Variants in ZNF133 observed in about 807,000 individuals in gnomAD.
The protein encoded by ZNF133 is zinc finger protein 133 (clone pHZ-13).
In ZNF133, 26 loss-of-function variants were observed where a neutral mutation model predicts 54.9. The ratio of observed to expected loss-of-function variants is 0.47; its 90% confidence interval spans 0.35 to 0.66. ZNF133 has a LOEUF of 0.66. ZNF133 is among the 30% of genes least tolerant of loss of function. ZNF133 has a pLI of 0.01. For synonymous variants in ZNF133, 298 were observed against 320.3 expected, an observed-to-expected ratio of 0.93 and a Z score of 0.74; for missense variants, 653 against 820.8, an observed-to-expected ratio of 0.80 and a Z score of 2.50.
intron 1 of ZNF133, chr20:18,295,003 G>A (rs2041941352): frequency 6.6e-6 from 1 of 152,144 alleles, no homozygotes; most frequent in Admixed American, 6.5e-5. Context: ...TTTCCCTTTA[G>A]TTTTCAATGC....
intron 3 of ZNF133, among the ~76,000 whole-genome samples, chr20:18,303,594 A>T (rs1417843214): frequency 1.3e-5 from 2 of 152,162 alleles, no homozygotes; most frequent in African/African-American, 4.8e-5. Flanking sequence ...ATAAAAACAG[A>T]CTTACAGACT....
At chr20:18,296,507 C>T (rs2042265070) in intron 1 of ZNF133, among the ~76,000 whole-genome samples, 1 of 152,176 alleles carries the variant, frequency 6.6e-6, no homozygotes, top group South Asian at 2.1e-4. Flanking sequence ...TTCTAGGTAC[C>T]TCATATAAAT....
At chr20:18,302,553 T>C (rs1036826967) in intron 3 of ZNF133, among the ~76,000 whole-genome samples, 1 of 152,170 alleles carries the variant, frequency 6.6e-6, no homozygotes, top group South Asian at 2.1e-4. Flanking sequence ...GAAACCACTC[T>C]ATAATAAGGC....
intron 1 of ZNF133, among the ~76,000 whole-genome samples, chr20:18,291,483 C>A (rs533131611): frequency 3.0e-4 from 45 of 152,122 alleles, no homozygotes; most frequent in Non-Finnish European, 5.3e-4. Flanking sequence ...TAGCCTGCTC[C>A]TCCTCTGTCT....
rs1600628452 is a variant in ZNF133 at position 18,316,510 on chromosome 20, G to A, written c.1659G>A (p.Arg553=). 1 of 1,614,206 alleles carries A rather than the reference G, an allele frequency of 6.2e-7. No homozygotes were observed. The highest frequency in any genetic ancestry group is 8.5e-7 in the Non-Finnish European group (1 of 1,180,038). The change falls in exon 7 of 7, where the codon AGG becomes AGA. Residue 553 remains arginine, a synonymous_variant. Transcript: ENST00000425686. Reference sequence around the variant, plus strand: ...CGAGGGAGAAGCCCTACATGTGCAGGCAGTGTGGACTGGGCTTTGGCAATA... The same window carrying A: ...CGAGGGAGAAGCCCTACATGTGCAGACAGTGTGGACTGGGCTTTGGCAATA... ...KHSREKPYMC[R]QCGLGFGNKS...
At chr20:18,312,776 G>T (rs1485106965) in intron 6 of ZNF133, 1 of 152,170 alleles carries the variant, frequency 6.6e-6, no homozygotes, top group African/African-American at 2.4e-5. Flanking sequence ...ATGCAGTGGC[G>T]CAATCTCGGC....
chr20:18,315,540 T>C lies in ZNF133; in HGVS notation c.689T>C (p.Leu230Pro), dbSNP rs765384821. The C allele has an allele frequency of 6.2e-7, 1 of 1,614,134 alleles. No individual in the cohort carries two copies. Among genetic ancestry groups the C allele is most frequent in the Non-Finnish European group, 8.5e-7 (1 of 1,180,034 alleles). Reference sequence around the variant, plus strand: ...AGCTTCAGCAAGATGACAAACCTGCTCAGTCACCAGCGGATACACTCAGGG... The same window carrying C: ...AGCTTCAGCAAGATGACAAACCTGCCCAGTCACCAGCGGATACACTCAGGG... ...GLSFSKMTNL[L>P]SHQRIHSGEK... is the part of the protein sequence containing the mutation. The change falls in exon 7 of 7, where the codon CTC becomes CCC. Residue 230 changes from leucine to proline, a missense_variant. By Grantham distance (98) the Leu-to-Pro change is moderately conservative. This residue lies in a region of ZNF133 where 292 missense variants were observed against 431.6 expected (regional missense o/e 0.68). Transcript: ENST00000425686.
At position 18,316,911 on chromosome 20, in the gene ZNF133, T is replaced by G. The variant is rs2047641953; in HGVS notation, c.*95T>G. 3 of 1,417,786 alleles carry G rather than the reference T, an allele frequency of 2.1e-6. No individual in the cohort carries two copies. Among genetic ancestry groups the G allele is most frequent in the Non-Finnish European group, 2.8e-6 (3 of 1,063,798 alleles). 87.8% of individuals were successfully genotyped at this position (1,417,786 alleles called of 1,614,324 possible). On this transcript the variant is annotated 3_prime_UTR_variant, in exon 7 of 7. Coordinates refer to ENST00000425686, the MANE Select transcript of ZNF133 (RefSeq NM_001352452.2). Reference sequence around the variant, plus strand: ...ATTCTGTAAGTGGTCAAAGGACATTTGACTGTTTACTTTCTCCACACTAAG... The same window carrying G: ...ATTCTGTAAGTGGTCAAAGGACATTGGACTGTTTACTTTCTCCACACTAAG...
At chr20:18,302,857 C>G (rs761657130) in intron 3 of ZNF133, among the ~76,000 whole-genome samples, 2 of 152,016 alleles carry the variant, frequency 1.3e-5, no homozygotes, top group Non-Finnish European at 2.9e-5. Flanking sequence ...AGTTGCATAT[C>G]TATACACTTA....
intron 6 of ZNF133, among the ~76,000 whole-genome samples, chr20:18,311,590 A>G (rs965537726): frequency 6.6e-6 from 1 of 152,236 alleles, no homozygotes; most frequent in Non-Finnish European, 1.5e-5. Context: ...TTCAGTCTCA[A>G]ATAATTAACA....
intron 3 of ZNF133, among the ~76,000 whole-genome samples, chr20:18,303,363 AAAT>A (rs1337450310): frequency 6.6e-6 from 1 of 152,134 alleles, no homozygotes; most frequent in Non-Finnish European, 1.5e-5. Flanking sequence ...CTTAATGTTA[AAAT>A]AATAATACTA....
chr20:18,294,291 T>C (rs1293148298), intron 1 of ZNF133, among the ~76,000 whole-genome samples: 2 of 152,034 alleles, frequency 1.3e-5, no homozygotes, highest in African/African-American at 4.8e-5. Context: ...AAACCAAAAC[T>C]GAGGGATACC....
At chr20:18,299,446 T>C (rs530177208) in intron 3 of ZNF133, among the ~76,000 whole-genome samples, 2 of 152,282 alleles carry the variant, frequency 1.3e-5, no homozygotes, top group East Asian at 3.9e-4. Flanking sequence ...AAGGGAACTA[T>C]GGGATACTAT....
rs775729180 is a variant in ZNF133, at chr20:18,315,683, G to A, written c.832G>A (p.Gly278Ser). 6.2e-7 allele frequency: 1 copy of A among 1,613,874 alleles called. No homozygotes were observed. The highest frequency in any genetic ancestry group is 1.7e-5 in the Admixed American group (1 of 60,010). ...AATTGTGTGCAGGGAGTGTGGACGA[G>A]GCTTTAACCGGAAGTCAACGCTAAT... Reference protein sequence around the residue: ...KPIVCRECGRGFNRKSTLIIH... With the variant: ...KPIVCRECGRSFNRKSTLIIH... The change falls in exon 7 of 7, where the codon GGC (glycine) becomes AGC (serine). Residue 278 changes from glycine (G) to serine (S), a missense_variant. By Grantham distance (56) the Gly-to-Ser change is moderately conservative. This residue lies in a region of ZNF133 where 292 missense variants were observed against 431.6 expected (regional missense o/e 0.68). Transcript: ENST00000425686.
chr20:18,306,415 A>C (rs1247269820), intron 6 of ZNF133, 22 bp downstream of exon 6: 4 of 1,606,884 alleles, frequency 2.5e-6, no homozygotes, highest in Non-Finnish European at 3.4e-6. Flanking sequence ...AACACTGGAC[A>C]AATGAGACAT....
At chr20:18,307,457 T>C (rs1388683147) in intron 6 of ZNF133, among the ~76,000 whole-genome samples, 1 of 152,248 alleles carries the variant, frequency 6.6e-6, no homozygotes, top group Non-Finnish European at 1.5e-5. Context: ...TGCCTGCCAT[T>C]GTTTCTGATG....
Position 18,316,639 on chromosome 20 carries a change from T to A in ZNF133, c.1788T>A (p.His596Gln). The stretch of plus-strand genomic sequence containing the variant: ...TCCAAAAGTCACACCTCACCTTACA[T>A]CAAATGACACATACGGGGGAGAAGC... ...GFLQKSHLTL[H>Q]QMTHTGEKPY... Residue 596 changes from histidine (H) to glutamine (Q), a missense_variant, in exon 7 of 7, where the codon CAT (histidine) becomes CAA (glutamine). His to Gln is a conservative substitution (Grantham distance 24). This residue lies in a region of ZNF133 where 129 missense variants were observed against 138.5 expected (regional missense o/e 0.93). Transcript: ENST00000425686. 1 of 1,611,312 alleles carries A rather than the reference T, an allele frequency of 6.2e-7. No homozygotes were observed. Among genetic ancestry groups the A allele is most frequent in the Non-Finnish European group, 8.5e-7 (1 of 1,179,054 alleles).
intron 6 of ZNF133, chr20:18,310,198 G>A: frequency 1.4e-6 from 2 of 1,442,440 alleles, no homozygotes; most frequent in East Asian, 2.6e-5. Context: ...ATGATGTTGA[G>A]CACATTAAAA....
chr20:18,290,837 G>T (rs2040799807), intron 1 of ZNF133, among the ~76,000 whole-genome samples: 1 of 152,092 alleles, frequency 6.6e-6, no homozygotes, highest in South Asian at 2.1e-4. Context: ...ATTAGAAGTT[G>T]TGTCCTCCTG....
Sources: allele counts gnomAD v4.1 joint callset (sites outside exome capture counted in the v4.1 genomes callset), GRCh38; gene constraint gnomAD v4.1.1; regional missense constraint gnomAD v4.1.1; transcripts MANE v1.5; gene names NCBI Gene and HGNC (gene_info 2026-07-23, HGNC 2026-07-21).